NTM: variants seen among roughly 807,000 people sequenced by gnomAD.
The protein encoded by NTM is neurotrimin.
In NTM, 13 loss-of-function variants were observed where a neutral mutation model predicts 42.1. The ratio of observed to expected loss-of-function variants is 0.31; its 90% CI spans 0.20 to 0.49. NTM has a LOEUF of 0.49. Among genes scored for constraint, NTM ranks in the 20% least tolerant of loss-of-function variants. NTM has a pLI of 0.99. For synonymous variants in NTM, 187 were observed against 179.2 expected (o/e 1.04, Z -0.35); for missense variants, 373 against 452.8 (o/e 0.82, Z 1.60).
At chr11:131,539,007 A>T (rs1276674392) in intron 1 of NTM, 1 of 147,392 alleles carries the variant, frequency 6.8e-6, no homozygotes, top group Non-Finnish European at 1.5e-5. Context: ...ATCACAGCTC[A>T]CCGCAGTCTC....
intron 1 of NTM, among the ~76,000 whole-genome samples, chr11:131,751,071 GC>G (rs780802420): frequency 6.6e-6 from 1 of 152,024 alleles, no homozygotes; most frequent in East Asian, 1.9e-4. Flanking sequence ...CACTCTTCAG[GC>G]CATTTGGGAT....
intron 1 of NTM, among the ~76,000 whole-genome samples, chr11:131,758,263 C>T (rs999988860): frequency 2.6e-5 from 4 of 151,770 alleles, no homozygotes; most frequent in South Asian, 2.1e-4. Context: ...TCTTCCCCCT[C>T]CCCCCCGCCA....
intron 1 of NTM, among the ~76,000 whole-genome samples, chr11:131,653,000 A>C (rs538038583): frequency 3.3e-5 from 5 of 151,968 alleles, no homozygotes; most frequent in African/African-American, 1.2e-4. Context: ...TCTCCATAAA[A>C]CCCACCGATC....
intron 2 of NTM, among the ~76,000 whole-genome samples, chr11:132,135,226 G>A (rs1208150354): frequency 6.6e-6 from 1 of 152,254 alleles, no homozygotes; most frequent in Admixed American, 6.5e-5. Flanking sequence ...ACCTTGCCCC[G>A]TGTCCTCTCT....
chr11:132,111,031 A>T (rs1296391440), intron 2 of NTM, among the ~76,000 whole-genome samples: 1 of 138,594 alleles, frequency 7.2e-6, no homozygotes, highest in Non-Finnish European at 1.5e-5. Context: ...GCCACTGCAC[A>T]CAAGCCTGGG....
At chr11:132,310,406 A>G (rs1257792802) in intron 6 of NTM, among the ~76,000 whole-genome samples, 174 bp downstream of exon 6, 1 of 152,206 alleles carries the variant, frequency 6.6e-6, no homozygotes, top group South Asian at 2.1e-4. Flanking sequence ...GATTTCAGCT[A>G]CGTTTTTAAT....
intron 1 of NTM, among the ~76,000 whole-genome samples, chr11:131,543,176 A>G (rs750772156): frequency 3.2e-4 from 48 of 152,310 alleles, no homozygotes; most frequent in Non-Finnish European, 6.0e-4. Context: ...ACTCCTCTCT[A>G]CATCAAGACC....
chr11:131,646,514 A>G (rs1022210623), intron 1 of NTM, among the ~76,000 whole-genome samples: 1 of 152,210 alleles, frequency 6.6e-6, no homozygotes, highest in Non-Finnish European at 1.5e-5. Context: ...TTTCTTTAGA[A>G]TATTCAGTGC....
intron 1 of NTM, among the ~76,000 whole-genome samples, chr11:131,724,011 G>C (rs1002455085): frequency 6.6e-6 from 1 of 152,290 alleles, no homozygotes; most frequent in South Asian, 2.1e-4. Flanking sequence ...CCAGTTTACC[G>C]TTCCTTTTCA....
At chr11:131,467,411 C>T (rs752201874) in intron 1 of NTM, among the ~76,000 whole-genome samples, 6 of 152,208 alleles carry the variant, frequency 3.9e-5, no homozygotes, top group Non-Finnish European at 8.8e-5. Flanking sequence ...TTCATCAGCC[C>T]AGTTACCCTG....
intron 1 of NTM, among the ~76,000 whole-genome samples, chr11:131,714,789 C>A (rs544247850): frequency 3.3e-4 from 50 of 152,164 alleles, no homozygotes; most frequent in Admixed American, 2.7e-3. Flanking sequence ...GTCATCCATG[C>A]GGCATTTGAC....
At chr11:131,621,391 T>A (rs546804138) in intron 1 of NTM, among the ~76,000 whole-genome samples, 2 of 152,182 alleles carry the variant, frequency 1.3e-5, no homozygotes, top group South Asian at 2.1e-4. Flanking sequence ...CCTGGGGGCA[T>A]CTCCGGAGAA....
intron 1 of NTM, among the ~76,000 whole-genome samples, chr11:131,835,014 A>G (rs2136595467): frequency 6.6e-6 from 1 of 152,290 alleles, no homozygotes; most frequent in Admixed American, 6.5e-5. Flanking sequence ...CTATGTGTTC[A>G]GTATTGTTCT....
At chr11:131,794,474 C>A in intron 1 of NTM, 7 of 985,176 alleles carry the variant, frequency 7.1e-6, no homozygotes, top group Non-Finnish European at 8.4e-6. Context: ...CCTCCCCACC[C>A]GCCGTTTACT....
intron 1 of NTM, among the ~76,000 whole-genome samples, chr11:131,527,998 G>A (rs918870062): frequency 6.6e-6 from 1 of 152,192 alleles, no homozygotes; most frequent in Non-Finnish European, 1.5e-5. Flanking sequence ...CAAAGGAAAT[G>A]CTCATTGTGA....
chr11:131,574,019 G>A (rs1162162151), intron 1 of NTM, among the ~76,000 whole-genome samples: 1 of 152,090 alleles, frequency 6.6e-6, no homozygotes, highest in Non-Finnish European at 1.5e-5. Flanking sequence ...AAAGCAAATT[G>A]CTCTATTCCC....
At chr11:131,446,595 T>C (rs1950076148) in intron 1 of NTM, among the ~76,000 whole-genome samples, 1 of 152,186 alleles carries the variant, frequency 6.6e-6, no homozygotes, top group Non-Finnish European at 1.5e-5. Context: ...TGCCTCCCCT[T>C]TGAAATCCAG....
intron 1 of NTM, among the ~76,000 whole-genome samples, chr11:131,454,461 G>A (rs1950720436): frequency 6.6e-6 from 1 of 152,036 alleles, no homozygotes; most frequent in Non-Finnish European, 1.5e-5. Context: ...TGTGGCAATG[G>A]CAGGCGTCCC....
At chr11:132,077,701 G>A (rs1395189101) in intron 2 of NTM, among the ~76,000 whole-genome samples, 5 of 152,180 alleles carry the variant, frequency 3.3e-5, no homozygotes, top group South Asian at 2.1e-4. Flanking sequence ...GTCTCAAAAT[G>A]TTTTTGATTG....
Sources: allele counts gnomAD v4.1 joint callset (sites outside exome capture counted in the v4.1 genomes callset), GRCh38; gene constraint gnomAD v4.1.1; transcripts MANE v1.5; gene names NCBI Gene and HGNC (gene_info 2026-07-23, HGNC 2026-07-21).